Variants in AXIN1 observed in about 807,000 individuals in gnomAD.
AXIN1 encodes axin-1.
In AXIN1, 30 loss-of-function variants were observed where a neutral mutation model predicts 76.4. That is an observed-to-expected ratio of 0.39 (90% CI 0.29 to 0.53). The LOEUF is 0.53. Ranked by LOEUF, AXIN1 falls within the 20% of genes least tolerant of loss-of-function variation. The probability of loss-of-function intolerance (pLI) is 0.66; values close to 1 mark genes in which losing one functional copy is unlikely to be tolerated. For missense variants in AXIN1, 1,140 were observed against 1,198.8 expected, an observed-to-expected ratio of 0.95 and a Z score of 0.72; for synonymous variants, 545 against 501.4, an observed-to-expected ratio of 1.09 and a Z score of -1.16.
chr16:306,054 A>C (rs576713070), intron 4 of AXIN1, among the ~76,000 whole-genome samples: 20 of 152,148 alleles, frequency 1.3e-4, no homozygotes, highest in Non-Finnish European at 1.2e-4. Flanking sequence ...ACCTTCACCC[A>C]GATTCCCCAA....
chr16:307,124 C>A (rs1396331008), intron 4 of AXIN1, among the ~76,000 whole-genome samples: 1 of 152,176 alleles, frequency 6.6e-6, no homozygotes, highest in African/African-American at 2.4e-5. Flanking sequence ...CAGCCAGAGG[C>A]GCAGACAGAC....
At chr16:321,155 C>T (rs1342282407) in intron 2 of AXIN1, among the ~76,000 whole-genome samples, 1 of 152,188 alleles carries the variant, frequency 6.6e-6, no homozygotes, top group African/African-American at 2.4e-5. Flanking sequence ...CTGCTACAGG[C>T]CCTCCTGCCT....
chr16:333,858 C>G (rs549209366), intron 2 of AXIN1, among the ~76,000 whole-genome samples: 2 of 141,762 alleles, frequency 1.4e-5, no homozygotes, highest in East Asian at 4.4e-4. Flanking sequence ...CACCCAGTAC[C>G]ATGGCACCCA....
chr16:291,649 C>T, intron 8 of AXIN1: 5 of 390,878 alleles, frequency 1.3e-5, no homozygotes, highest in South Asian at 8.6e-5. Context: ...AGTCTCTTGG[C>T]ATGAATTCCC....
chr16:319,226 G>A (rs57556343), intron 2 of AXIN1, among the ~76,000 whole-genome samples: 9,248 of 152,148 alleles, frequency 0.061, 400 homozygotes, highest in African/African-American at 0.11. Flanking sequence ...GAATCCCAGC[G>A]ACTTGGGAGG....
chr16:345,065 G>A (rs977071351), intron 2 of AXIN1, among the ~76,000 whole-genome samples: 3 of 151,060 alleles, frequency 2.0e-5, no homozygotes, highest in Non-Finnish European at 3.0e-5. Context: ...AAATGCATGC[G>A]CTCTGCTCAC....
chr16:322,111 GCA>G (rs912429352), intron 2 of AXIN1, among the ~76,000 whole-genome samples: 7 of 152,230 alleles, frequency 4.6e-5, no homozygotes, highest in African/African-American at 1.2e-4. Context: ...CTTCTGAGAA[GCA>G]CAGAGAGCCC....
chr16:320,849 C>T (rs1400034620), intron 2 of AXIN1, among the ~76,000 whole-genome samples: 3 of 102,628 alleles, frequency 2.9e-5, no homozygotes, highest in African/African-American at 4.2e-5. Flanking sequence ...AATCGATTCT[C>T]CTGCCTCAGC....
At chr16:300,102 G>A (rs932131435) in intron 5 of AXIN1, among the ~76,000 whole-genome samples, 3 of 151,846 alleles carry the variant, frequency 2.0e-5, no homozygotes, top group African/African-American at 7.3e-5. Context: ...ACCATGCCCA[G>A]CTAAATTTTT....
At chr16:321,143 C>T (rs1194617709) in intron 2 of AXIN1, among the ~76,000 whole-genome samples, 1 of 152,136 alleles carries the variant, frequency 6.6e-6, no homozygotes, top group Non-Finnish European at 1.5e-5. Flanking sequence ...CACCCGAAAC[C>T]ACTGCTACAG....
In AXIN1 at chr16:305,309, C is replaced by A. The variant is rs528446449; in HGVS notation, c.1117-868G>T. On this transcript the variant is annotated intron_variant, in intron 4 of 10. Coordinates refer to ENST00000262320, the MANE Select transcript of AXIN1 (RefSeq NM_003502.4). The stretch of plus-strand genomic sequence containing the variant: ...CAAAGTGAGACCTCATCTCTACAAA[C>A]AAAAATTTTTTTTAATTAGCCGGGT... Among the ~76,000 whole-genome samples the A allele has an allele frequency of 2.6e-5, 4 of 152,258 alleles. No homozygotes were observed. The South Asian group carries it at 6.2e-4, about 24-fold the overall frequency.
chr16:335,204 T>C (rs1041492273), intron 2 of AXIN1, among the ~76,000 whole-genome samples: 2 of 152,194 alleles, frequency 1.3e-5, no homozygotes, highest in Non-Finnish European at 2.9e-5. Context: ...CACGAAGCTA[T>C]AAATTCCAAA....
rs2054026506 is a variant in AXIN1, at chr16:346,051, G to A, written c.878+97C>T. 24 of 1,221,832 alleles carry A rather than the reference G, an allele frequency of 2.0e-5. No homozygotes were observed. In the East Asian group the frequency reaches 5.8e-4, roughly 29 times the overall value. The allele number at this position is 1,221,832 out of a possible 1,614,324, so 75.7% of individuals were successfully genotyped here. A position where few individuals can be genotyped will look rare whatever the true frequency, so the allele number is the denominator to read the frequency against. ...AACCCCAGCGGCAGCAGGACATCCG[G>A]TGTGGGTTAACGCCCGCCTCATCAG... is the stretch of plus-strand genomic sequence containing the variant. On this transcript the variant is annotated intron_variant, in intron 2 of 10. Coordinates refer to ENST00000262320, the MANE Select transcript of AXIN1 (RefSeq NM_003502.4).
rs769727767 is a variant in AXIN1, at chr16:298,084, G to A, written c.1422C>T (p.His474=). 150 of 1,556,326 alleles carry A rather than the reference G, an allele frequency of 9.6e-5. No individual in the cohort carries two copies. The highest frequency in any genetic ancestry group is 1.2e-4 in the Non-Finnish European group (133 of 1,154,916). The change falls in exon 6 of 11, where the codon CAC becomes CAT. Residue 474 remains histidine, a synonymous_variant. Transcript: ENST00000262320. ...EENPESILDE[H]VQRVLRTPGR... is the part of the protein sequence containing the mutation. The stretch of plus-strand genomic sequence containing the variant: ...CAGGTGTCCTCAGCACACGCTGTAC[G>A]TGCTCGTCCAGGATGCTCTCAGGGT...
intron 2 of AXIN1, among the ~76,000 whole-genome samples, chr16:316,119 TTTTGGAAACACAGTCCTTCCTTA>T (rs1254411477): frequency 6.6e-6 from 1 of 152,192 alleles, no homozygotes; most frequent in Non-Finnish European, 1.5e-5. Context: ...TTATTTTCTA[TTTTGGAAACACAGTCCTTCCTTA>T]TTCCAGAATT....
Position 288,050 on chromosome 16 carries a change from G to A in AXIN1, c.*72C>T. ...TCCCCATCGGGCTCCTGAGTACGAGGTCATCTGCCTGGCCGTGACACCCGT... is the reference window on the plus strand; with the variant it reads ...TCCCCATCGGGCTCCTGAGTACGAGATCATCTGCCTGGCCGTGACACCCGT... On this transcript the variant is annotated 3_prime_UTR_variant, in exon 11 of 11. Transcript: ENST00000262320. 6.2e-7 allele frequency: 1 copy of A among 1,609,034 alleles called. No homozygotes were observed. Among genetic ancestry groups the A allele is most frequent in the South Asian group, 1.1e-5 (1 of 91,052 alleles).
chr16:300,101 A>C (rs1273585183), intron 5 of AXIN1, among the ~76,000 whole-genome samples: 13 of 151,402 alleles, frequency 8.6e-5, no homozygotes, highest in Admixed American at 8.6e-4. Context: ...CACCATGCCC[A>C]GCTAAATTTT....
Position 346,154 on chromosome 16 carries a change from T to C in AXIN1, c.872A>G (p.Glu291Gly). The C allele has an allele frequency of 2.5e-6, 4 of 1,613,608 alleles. 1 individual carries two copies. Among genetic ancestry groups the C allele is most frequent in the Non-Finnish European group, 3.4e-6 (4 of 1,180,008 alleles). Residue 291 changes from glutamate to glycine, a missense_variant, in exon 2 of 11, where the codon GAG becomes GGG. Physicochemically the swap from Glu to Gly is moderately conservative, Grantham distance 98. Coordinates refer to ENST00000262320, the MANE Select transcript of AXIN1 (RefSeq NM_003502.4). ...CGCCTGGCGTCGGACTCACCTGAACTCTCTGCCTTCGCTGTACCGTCTACT... is the reference window on the plus strand; with the variant it reads ...CGCCTGGCGTCGGACTCACCTGAACCCTCTGCCTTCGCTGTACCGTCTACT... The part of the protein sequence containing the change: ...SSSRRYSEGR[E>G]FRYGSWREPV...
chr16:310,059 G>C lies in AXIN1; in HGVS notation c.1030C>G (p.Pro344Ala). 2 of 1,611,300 alleles carry C rather than the reference G, an allele frequency of 1.2e-6. No homozygotes were observed. The highest frequency in any genetic ancestry group is 1.3e-5 in the African/African-American group (1 of 74,982). ...TGCTGCTTACGGATCCTGTATGGGG[G>C]GATCCCATCCCTGTCCAGGAGAAAG... The part of the protein sequence containing the change: ...SLTDSSVDGI[P>A]PYRIRKQHRR... Residue 344 changes from proline to alanine, a missense_variant, in exon 4 of 11, where the codon CCC becomes GCC. Coordinates refer to ENST00000262320, the MANE Select transcript of AXIN1 (RefSeq NM_003502.4).
Sources: gnomAD v4.1 joint callset for allele counts (sites outside exome capture counted in the v4.1 genomes callset) on GRCh38, gnomAD v4.1.1 for gene constraint, MANE v1.5 for transcripts, NCBI Gene and HGNC (gene_info 2026-07-23, HGNC 2026-07-21) for gene names.